The following PARD3B variants were observed in gnomAD, a reference collection of about 807,000 sequenced individuals.
PARD3B encodes the protein partitioning defective 3 homolog B.
PARD3B carries 103 observed loss-of-function variants against 130.2 expected under a neutral mutation model. The ratio of observed to expected loss-of-function variants is 0.79; its 90% CI spans 0.67 to 0.93. The LOEUF is 0.93. Among genes scored for constraint, PARD3B ranks in the 40% least tolerant of loss-of-function variants. PARD3B has a pLI of 0.00. For missense variants in PARD3B, 1,609 were observed against 1,499.2 expected (o/e 1.07, Z -1.21); for synonymous variants, 583 against 553.2 (o/e 1.05, Z -0.76).
intron 18 of PARD3B, among the ~76,000 whole-genome samples, chr2:205,353,609 G>A (rs2044072055): frequency 6.6e-6 from 1 of 152,184 alleles, no homozygotes. Flanking sequence ...TTTTAGAATT[G>A]TTGAGAATCT....
chr2:205,094,828 A>G (rs1175954445), intron 4 of PARD3B, among the ~76,000 whole-genome samples: 2 of 152,172 alleles, frequency 1.3e-5, no homozygotes, highest in South Asian at 4.1e-4. Context: ...TACTAGAGCC[A>G]AATTTGATTG....
intron 18 of PARD3B, among the ~76,000 whole-genome samples, chr2:205,387,707 T>C (rs1453756965): frequency 6.6e-6 from 1 of 152,166 alleles, no homozygotes; most frequent in Non-Finnish European, 1.5e-5. Flanking sequence ...GATTAGTTAT[T>C]GGAGGTCACT....
intron 19 of PARD3B, among the ~76,000 whole-genome samples, chr2:205,427,350 C>A (rs2106114882): frequency 6.6e-6 from 1 of 152,252 alleles, no homozygotes; most frequent in Non-Finnish European, 1.5e-5. Flanking sequence ...AGCAAAAAAT[C>A]AGAAATACCC....
chr2:205,369,687 A>G (rs1228587203), intron 18 of PARD3B, among the ~76,000 whole-genome samples: 1 of 152,014 alleles, frequency 6.6e-6, no homozygotes, highest in African/African-American at 2.4e-5. Flanking sequence ...TTACCACCTC[A>G]ATGCTTTAAC....
At chr2:205,299,086 C>G (rs1179000558) in intron 16 of PARD3B, among the ~76,000 whole-genome samples, 2 of 152,136 alleles carry the variant, frequency 1.3e-5, no homozygotes, top group East Asian at 3.9e-4. Context: ...GCATTATTAG[C>G]TATTACGATT....
At chr2:205,365,549 CT>C (rs3048121) in intron 18 of PARD3B, among the ~76,000 whole-genome samples, 1,347 of 113,722 alleles carry the variant, frequency 0.012, 14 homozygotes, top group Non-Finnish European at 0.016. Context: ...CCCAACCTTC[CT>C]TTTTTTTTTT....
intron 3 of PARD3B, among the ~76,000 whole-genome samples, chr2:205,001,269 G>A (rs529618293): frequency 2.6e-5 from 4 of 152,296 alleles, no homozygotes; most frequent in South Asian, 4.1e-4. Context: ...AAATACAGGC[G>A]TGAGCCACTG....
intron 22 of PARD3B, among the ~76,000 whole-genome samples, chr2:205,609,784 C>T (rs1283444047): frequency 2.0e-5 from 3 of 152,174 alleles, no homozygotes; most frequent in Non-Finnish European, 2.9e-5. Context: ...AACAAACTAT[C>T]TTCTAGTTGC....
chr2:204,657,341 T>G (rs2035672621), intron 1 of PARD3B, among the ~76,000 whole-genome samples: 1 of 152,146 alleles, frequency 6.6e-6, no homozygotes, highest in Non-Finnish European at 1.5e-5. Flanking sequence ...AAACCTCATC[T>G]CTACCAAAAG....
intron 21 of PARD3B, among the ~76,000 whole-genome samples, chr2:205,527,323 G>GA (rs1222925011): frequency 6.6e-6 from 1 of 151,940 alleles, no homozygotes; most frequent in South Asian, 2.1e-4. Flanking sequence ...TTGACAAGGG[G>GA]AAAAAAATAG....
intron 18 of PARD3B, among the ~76,000 whole-genome samples, chr2:205,363,628 C>T (rs573758021): frequency 3.3e-5 from 5 of 151,972 alleles, no homozygotes; most frequent in Non-Finnish European, 7.4e-5. Context: ...GTAACACATG[C>T]CTCTTTCTTT....
At chr2:205,098,912 A>G (rs1337582172) in intron 4 of PARD3B, among the ~76,000 whole-genome samples, 1 of 152,160 alleles carries the variant, frequency 6.6e-6, no homozygotes, top group Non-Finnish European at 1.5e-5. Context: ...GCTGTCAGAA[A>G]TGCTCCCTTG....
In PARD3B at chr2:205,011,973, T is replaced by C. The variant is rs189006926; in HGVS notation, c.395-35608T>C. ...GGAATGGAAATGGGCCAAGGCCTCG[T>C]TGGGCATTTTACAGGCTTTCTACCC... On this transcript the variant is annotated intron_variant, in intron 3 of 22. Coordinates refer to ENST00000406610, the MANE Select transcript of PARD3B (RefSeq NM_001302769.2). This position sits in a 1 kb window ranked among gnomAD's most constrained non-coding sequence, Gnocchi z 4.1. 1.3e-5 allele frequency among the ~76,000 whole-genome samples: 2 copies of C among 152,248 alleles called. No homozygotes were observed. Among genetic ancestry groups the C allele is most frequent in the Admixed American group, 6.5e-5 (1 of 15,300 alleles).
intron 21 of PARD3B, among the ~76,000 whole-genome samples, chr2:205,503,025 C>CCCTCTCT (rs1175151516): frequency 4.7e-5 from 7 of 148,036 alleles, no homozygotes; most frequent in South Asian, 4.6e-4. Context: ...CTCCCCTCTC[C>CCCTCTCT]CCTCTCTCTT....
chr2:204,715,724 TCTGCTTA>T (rs2038689031), intron 2 of PARD3B, among the ~76,000 whole-genome samples: 1 of 152,194 alleles, frequency 6.6e-6, no homozygotes, highest in Non-Finnish European at 1.5e-5. Context: ...AATTGAGGCA[TCTGCTTA>T]CTGCTGACCT....
chr2:204,956,993 G>C (rs1444103134), intron 2 of PARD3B, among the ~76,000 whole-genome samples: 1 of 152,134 alleles, frequency 6.6e-6, no homozygotes, highest in East Asian at 1.9e-4. Context: ...GCTAGAGATG[G>C]TGAAGGGCAC....
intron 1 of PARD3B, among the ~76,000 whole-genome samples, chr2:204,639,978 G>A (rs1469896780): frequency 6.6e-6 from 1 of 152,046 alleles, no homozygotes; most frequent in African/African-American, 2.4e-5. Context: ...TCGTTGCTGG[G>A]CATGGTGGCT....
chr2:205,129,553 A>G (rs897474928), intron 10 of PARD3B, among the ~76,000 whole-genome samples: 5 of 152,222 alleles, frequency 3.3e-5, no homozygotes, highest in Admixed American at 6.5e-5. Flanking sequence ...GGCAGGATGA[A>G]GGAAGGACAG....
chr2:205,156,961 A>G (rs1414677143), intron 10 of PARD3B, among the ~76,000 whole-genome samples: 1 of 152,238 alleles, frequency 6.6e-6, no homozygotes, highest in Non-Finnish European at 1.5e-5. Flanking sequence ...TTGCCAAAAG[A>G]GGAATGATTT....
Sources: gnomAD v4.1 joint callset for allele counts (sites outside exome capture counted in the v4.1 genomes callset) on GRCh38, gnomAD v4.1.1 for gene constraint, Gnocchi (gnomAD v3.1) non-coding constraint, MANE v1.5 for transcripts, NCBI Gene and HGNC (gene_info 2026-07-23, HGNC 2026-07-21) for gene names.